The following RNF183 variants were observed in gnomAD, a reference collection of about 807,000 sequenced individuals.
RNF183 encodes ring finger protein 183.
In RNF183, 4 loss-of-function variants were observed where a neutral mutation model predicts 9.0. That is an observed-to-expected ratio of 0.44 (90% confidence interval 0.22 to 1.01). The LOEUF is 1.01. Among genes scored for constraint, RNF183 ranks in the 50% least tolerant of loss-of-function variants. The pLI is 0.25. For missense variants in RNF183, 227 were observed against 253.6 expected (o/e 0.89, Z 0.71); for synonymous variants, 102 against 107.5 (o/e 0.95, Z 0.32).
Position 113,297,798 on chromosome 9 carries a change from C to G in RNF183, c.387G>C (p.Gly129=). Residue 129 remains glycine (G), a synonymous_variant, in exon 5 of 5, where the codon GGG becomes GGC. Coordinates refer to ENST00000489339, the MANE Select transcript of RNF183 (RefSeq NM_001371237.1). ...DLGPQPGGQT[G]PPPDTASATV... ...TGGCAGAGGCCGTGTCTGGGGGCGG[C>G]CCAGTCTGGCCCCCAGGCTGGGGGC... is the stretch of plus-strand genomic sequence containing the variant. 2 of 1,610,912 alleles carry G rather than the reference C, an allele frequency of 1.2e-6. No homozygotes were observed. Among genetic ancestry groups the G allele is most frequent in the South Asian group, 2.2e-5 (2 of 90,768 alleles).
intron 3 of RNF183, among the ~76,000 whole-genome samples, chr9:113,300,503 G>T (rs1832884619): frequency 1.3e-5 from 2 of 152,198 alleles, no homozygotes; most frequent in African/African-American, 2.4e-5. Flanking sequence ...GGCTTCGGGT[G>T]CTTGGTGGCT....
At chr9:113,299,538 T>C (rs1325601469) in intron 4 of RNF183, 34 bp downstream of exon 4, 1 of 152,198 alleles carries the variant, frequency 6.6e-6, no homozygotes, top group Non-Finnish European at 1.5e-5. Context: ...GATCTTTTAA[T>C]GTGCCTAAGT....
Position 113,298,242 on chromosome 9 carries a change from G to T in RNF183, c.-37-21C>A. 7.0e-7 allele frequency: 1 copy of T among 1,433,844 alleles called. No individual in the cohort carries two copies. Among genetic ancestry groups the T allele is most frequent in the Non-Finnish European group, 9.7e-7 (1 of 1,034,106 alleles). The allele number at this position is 1,433,844 out of a possible 1,614,324, so 88.8% of individuals were successfully genotyped here. ...ACGTCCTGGCAGAAGGGGGAAAGGA[G>T]CAAAGGAACAGCCATGAAGTCCCAT... On this transcript the variant is annotated intron_variant, in intron 4 of 4. Transcript: ENST00000489339. The surrounding 1 kb of genome is among the most constrained non-coding windows in gnomAD (Gnocchi z 4.9).
rs899669106 is a variant in RNF183, at chr9:113,298,340, A to T, written c.-37-119T>A. ...TAATCACCACGTTTTACTTAGGTTC[A>T]AAAGCGTTTTGTTCTTGATCACCAG... is the stretch of plus-strand genomic sequence containing the variant. On this transcript the variant is annotated intron_variant, in intron 4 of 4. Coordinates refer to ENST00000489339, the MANE Select transcript of RNF183 (RefSeq NM_001371237.1). The surrounding 1 kb of genome is among the most constrained non-coding windows in gnomAD (Gnocchi z 4.9). 3.1e-6 allele frequency: 2 copies of T among 645,830 alleles called. No individual in the cohort carries two copies. The highest frequency in any genetic ancestry group is 5.4e-6 in the Non-Finnish European group (2 of 370,234). 40.0% of individuals were successfully genotyped at this position (645,830 alleles called of 1,614,324 possible).
In RNF183 at chr9:113,297,382, G is replaced by A. The variant is rs75118804; in HGVS notation, c.*224C>T. 4,229 of 376,334 alleles carry A rather than the reference G, an allele frequency of 0.011. 396 individuals carry two copies. The East Asian group carries it at 0.19, about 17-fold the overall frequency. The allele number at this position is 376,334 out of a possible 1,614,324, so 23.3% of individuals were successfully genotyped here. A position where few individuals can be genotyped will look rare whatever the true frequency, so the allele number is the denominator to read the frequency against. ...AACCGCTTCTCTGCCCTTCCATGAC[G>A]CCACACTCACACCCGGAGGTCGCTC... On this transcript the variant is annotated 3_prime_UTR_variant, in exon 5 of 5. Coordinates refer to ENST00000489339, the MANE Select transcript of RNF183 (RefSeq NM_001371237.1).
chr9:113,301,656 G>A lies in RNF183; in HGVS notation c.-242+16C>T, dbSNP rs1023249548. Reference sequence around the variant, plus strand: ...TGAATCCCAGAGTGTGTTAGAAGCAGATCTTTAATACTTACCAGAGGCCGT... The same window carrying A: ...TGAATCCCAGAGTGTGTTAGAAGCAAATCTTTAATACTTACCAGAGGCCGT... On this transcript the variant is annotated intron_variant, in intron 3 of 4. Coordinates refer to ENST00000489339, the MANE Select transcript of RNF183 (RefSeq NM_001371237.1). 1 of 152,180 alleles carries A rather than the reference G, an allele frequency of 6.6e-6. No homozygotes were observed. The highest frequency in any genetic ancestry group is 2.4e-5 in the African/African-American group (1 of 41,444). The allele number at this position is 152,180 out of a possible 1,614,324, so 9.4% of individuals were successfully genotyped here.
chr9:113,301,267 C>A (rs1477906394), intron 3 of RNF183, among the ~76,000 whole-genome samples: 1 of 152,132 alleles, frequency 6.6e-6, no homozygotes. Context: ...ATGAACAGCA[C>A]AGAGAGTATT....
rs1188452029 is a variant in RNF183, at chr9:113,303,244, T to C, written c.-629A>G. On this transcript the variant is annotated 5_prime_UTR_variant, in exon 1 of 5. Transcript: ENST00000489339. ...TTCCTTCTGGTGACTTTGGACCTCC[T>C]GTACACCCTGGAAGCTTTGGTTGCT... 5.2e-5 allele frequency: 8 copies of C among 153,246 alleles called. No individual in the cohort carries two copies. In the Admixed American group the frequency reaches 5.2e-4, roughly 10 times the overall value. The allele number at this position is 153,246 out of a possible 1,614,324, so 9.5% of individuals were successfully genotyped here.
chr9:113,300,564 G>C (rs929683260), intron 3 of RNF183, among the ~76,000 whole-genome samples: 2 of 152,190 alleles, frequency 1.3e-5, no homozygotes, highest in Admixed American at 6.5e-5. Context: ...TGACAGAAGA[G>C]CTGAGACCAA....
Position 113,297,802 on chromosome 9 carries a change from G to T in RNF183, c.383C>A (p.Thr128Asn), listed in dbSNP as rs765221935. Residue 128 changes from threonine (T) to asparagine (N), a missense_variant, in exon 5 of 5, where the codon ACT (threonine) becomes AAT (asparagine). By Grantham distance (65) the Thr-to-Asn change is moderately conservative. Coordinates refer to ENST00000489339, the MANE Select transcript of RNF183 (RefSeq NM_001371237.1). Reference sequence around the variant, plus strand: ...AGAGGCCGTGTCTGGGGGCGGCCCAGTCTGGCCCCCAGGCTGGGGGCCAAG... The same window carrying T: ...AGAGGCCGTGTCTGGGGGCGGCCCATTCTGGCCCCCAGGCTGGGGGCCAAG... Reference protein sequence around the residue: ...LDLGPQPGGQTGPPPDTASAT... With the variant: ...LDLGPQPGGQNGPPPDTASAT... 6 of 1,611,246 alleles carry T rather than the reference G, an allele frequency of 3.7e-6. No individual in the cohort carries two copies.
chr9:113,302,020 A>G (rs187540849), intron 2 of RNF183, 175 bp downstream of exon 2: 79 of 152,308 alleles, frequency 5.2e-4, no homozygotes, highest in African/African-American at 1.8e-3. Flanking sequence ...TGCAATGGAA[A>G]AAATGTCTGG....
In RNF183 at chr9:113,298,513, T is replaced by C; in HGVS notation, c.-37-292A>G. On this transcript the variant is annotated intron_variant, in intron 4 of 4. Transcript: ENST00000489339. The surrounding 1 kb of genome is among the most constrained non-coding windows in gnomAD (Gnocchi z 4.9). ...CTTTGGAGCTGGACGCAAATGCTCC[T>C]TATGGTCATTGTCTGTGCCCTTGGC... 2.9e-6 allele frequency: 1 copy of C among 344,618 alleles called. No individual in the cohort carries two copies. The highest frequency in any genetic ancestry group is 5.3e-6 in the Non-Finnish European group (1 of 188,066). 21.3% of individuals were successfully genotyped at this position (344,618 alleles called of 1,614,324 possible).
Position 113,297,960 on chromosome 9 carries a change from G to A in RNF183, c.225C>T (p.Pro75=). The A allele has an allele frequency of 6.2e-7, 1 of 1,613,860 alleles. No individual in the cohort carries two copies. Among genetic ancestry groups the A allele is most frequent in the Non-Finnish European group, 8.5e-7 (1 of 1,179,878 alleles). ...GCAGGGCGAGCATGGCAGTGTCCGT[G>A]GGCAAGTCAGTGACAGGCTGCCCTG... ...LASGQPVTDL[P]TDTAMLALLR... The change falls in exon 5 of 5, where the codon CCC becomes CCT. Residue 75 remains proline, a synonymous_variant. Transcript: ENST00000489339.
chr9:113,298,276 T>A lies in RNF183; in HGVS notation c.-37-55A>T. 8.8e-7 allele frequency: 1 copy of A among 1,134,318 alleles called. No individual in the cohort carries two copies. The highest frequency in any genetic ancestry group is 1.3e-6 in the Non-Finnish European group (1 of 775,206). 70.3% of individuals were successfully genotyped at this position (1,134,318 alleles called of 1,614,324 possible). On this transcript the variant is annotated intron_variant, in intron 4 of 4. Transcript: ENST00000489339. This position sits in a 1 kb window ranked among gnomAD's most constrained non-coding sequence, Gnocchi z 4.9. ...CAGCCATGAAGTCCCATCCTTGTGCTTGGCCTGGGGCAAAGTGTTCTGTGG... is the reference window on the plus strand; with the variant it reads ...CAGCCATGAAGTCCCATCCTTGTGCATGGCCTGGGGCAAAGTGTTCTGTGG...
At chr9:113,300,125 A>G (rs554878895) in intron 3 of RNF183, among the ~76,000 whole-genome samples, 1 of 152,312 alleles carries the variant, frequency 6.6e-6, no homozygotes, top group East Asian at 1.9e-4. Flanking sequence ...CCGATGTCTG[A>G]AGCAAAACCT....
At position 113,298,287 on chromosome 9, in the gene RNF183, CAA is replaced by C. The variant is rs1832805099; in HGVS notation, c.-37-68_-37-67del. On this transcript the variant is annotated intron_variant, in intron 4 of 4. Transcript: ENST00000489339. The surrounding 1 kb of genome is among the most constrained non-coding windows in gnomAD (Gnocchi z 4.9). ...TCCCATCCTTGTGCTTGGCCTGGGG[CAA>C]AGTGTTCTGTGGGTGTTGAAAGGTG... 2 of 993,502 alleles carry C rather than the reference CAA, an allele frequency of 2.0e-6. No individual in the cohort carries two copies. Among genetic ancestry groups the C allele is most frequent in the African/African-American group, 1.6e-5 (1 of 62,032 alleles). 61.5% of individuals were successfully genotyped at this position (993,502 alleles called of 1,614,324 possible). A position where few individuals can be genotyped will look rare whatever the true frequency, so the allele number is the denominator to read the frequency against.
At position 113,298,011 on chromosome 9, in the gene RNF183, G is replaced by C. The variant is rs764707056; in HGVS notation, c.174C>G (p.Leu58=). 3 of 1,614,046 alleles carry C rather than the reference G, an allele frequency of 1.9e-6. 1 individual carries two copies. Among genetic ancestry groups the C allele is most frequent in the South Asian group, 2.2e-5 (2 of 91,084 alleles). ...TPARRRLLCP[L]CRQPTVLASG... ...AGGCCAGCACTGTGGGCTGGCGACA[G>C]AGTGGGCACAGCAGGCGGCGCCGGG... Residue 58 remains leucine, a synonymous_variant, in exon 5 of 5, where the codon CTC becomes CTG. Transcript: ENST00000489339. The surrounding 1 kb of genome is among the most constrained non-coding windows in gnomAD (Gnocchi z 4.9).
At position 113,297,416 on chromosome 9, in the gene RNF183, C is replaced by G. The variant is rs571588035; in HGVS notation, c.*190G>C. ...ACACCCGGAGGTCGCTCCACATCTC[C>G]CAGTCCTTCAAGCTTTTCGTTTTTT... is the stretch of plus-strand genomic sequence containing the variant. On this transcript the variant is annotated 3_prime_UTR_variant, in exon 5 of 5. Transcript: ENST00000489339. The G allele has an allele frequency of 4.1e-4, 194 of 478,102 alleles. No individual in the cohort carries two copies. The highest frequency in any genetic ancestry group is 3.5e-3 in the African/African-American group (174 of 50,134). The allele number at this position is 478,102 out of a possible 1,614,324, so 29.6% of individuals were successfully genotyped here.
Position 113,298,413 on chromosome 9 carries a change from G to A in RNF183, c.-37-192C>T. 1.8e-6 allele frequency: 1 copy of A among 561,042 alleles called. No individual in the cohort carries two copies. The highest frequency in any genetic ancestry group is 3.3e-5 in the Admixed American group (1 of 30,570). 34.8% of individuals were successfully genotyped at this position (561,042 alleles called of 1,614,324 possible). A position where few individuals can be genotyped will look rare whatever the true frequency, so the allele number is the denominator to read the frequency against. ...CAAATGCTCCTACAGCCTCCCCTCTGTCAAGGTGAAGGCCTGGGCCACCCC... is the reference window on the plus strand; with the variant it reads ...CAAATGCTCCTACAGCCTCCCCTCTATCAAGGTGAAGGCCTGGGCCACCCC... On this transcript the variant is annotated intron_variant, in intron 4 of 4. Coordinates refer to ENST00000489339, the MANE Select transcript of RNF183 (RefSeq NM_001371237.1). This position sits in a 1 kb window ranked among gnomAD's most constrained non-coding sequence, Gnocchi z 4.9.
Sources: allele counts gnomAD v4.1 joint callset (sites outside exome capture counted in the v4.1 genomes callset), GRCh38; gene constraint gnomAD v4.1.1; non-coding constraint Gnocchi (gnomAD v3.1); transcripts MANE v1.5; gene names NCBI Gene and HGNC (gene_info 2026-07-23, HGNC 2026-07-21).